PDGFD: variants seen among roughly 807,000 people sequenced by gnomAD.
PDGFD encodes the protein platelet derived growth factor D, also known as platelet-derived growth factor D.
A neutral mutation model predicts 44.7 loss-of-function variants in PDGFD; 30 were observed. The observed-to-expected ratio is 0.67, with a 90% CI of 0.50 to 0.91. The LOEUF is 0.91. Ranked by LOEUF, PDGFD falls within the 40% of genes least tolerant of loss-of-function variation. The pLI, the probability that PDGFD is intolerant of heterozygous loss-of-function variation, is 0.00. For missense variants in PDGFD, 445 were observed against 457.8 expected (o/e 0.97, Z 0.25); for synonymous variants, 173 against 168.4 (o/e 1.03, Z -0.21).
At chr11:103,975,046 T>C (rs1859162331) in intron 3 of PDGFD, among the ~76,000 whole-genome samples, 1 of 152,178 alleles carries the variant, frequency 6.6e-6, no homozygotes, top group Non-Finnish European at 1.5e-5. Flanking sequence ...GCATTTCTGG[T>C]TCTAGACCCT....
At chr11:104,031,027 C>T (rs75447876) in intron 1 of PDGFD, among the ~76,000 whole-genome samples, 7 of 152,216 alleles carry the variant, frequency 4.6e-5, no homozygotes, top group Middle Eastern at 6.8e-3. Context: ...ATACGCAAAA[C>T]GATCAAAACC....
chr11:103,910,471 C>A (rs1358613868), intron 6 of PDGFD, among the ~76,000 whole-genome samples: 2 of 152,280 alleles, frequency 1.3e-5, no homozygotes, highest in African/African-American at 4.8e-5. Context: ...GGTGGGGTGT[C>A]CCCTCAGCCG....
intron 1 of PDGFD, among the ~76,000 whole-genome samples, chr11:104,092,239 C>T (rs1025020832): frequency 6.6e-6 from 1 of 152,128 alleles, no homozygotes; most frequent in Admixed American, 6.6e-5. Context: ...TGTTCTGTAG[C>T]TTCTTTATAT....
At chr11:104,072,635 T>C (rs1307977072) in intron 1 of PDGFD, among the ~76,000 whole-genome samples, 1 of 151,980 alleles carries the variant, frequency 6.6e-6, no homozygotes, top group Non-Finnish European at 1.5e-5. Context: ...ATAGGCAGTC[T>C]TGACTTGTTT....
chr11:103,911,929 A>G (rs917026624), intron 6 of PDGFD, among the ~76,000 whole-genome samples: 4 of 148,948 alleles, frequency 2.7e-5, no homozygotes, highest in Non-Finnish European at 4.5e-5. Context: ...AAGATTACAG[A>G]AAAAAGAGTG....
chr11:103,943,445 C>T lies in PDGFD; in HGVS notation c.772+7G>A, dbSNP rs1286456175. 27 of 1,608,934 alleles carry T rather than the reference C, an allele frequency of 1.7e-5. No homozygotes were observed. The highest frequency in any genetic ancestry group is 2.0e-5 in the Non-Finnish European group (24 of 1,177,176). On this transcript the variant is annotated splice_region_variant and intron_variant, in intron 5 of 6. Coordinates refer to ENST00000393158, the MANE Select transcript of PDGFD (RefSeq NM_025208.5). ...TTATGAAGAATGTACAAGTGTCTGT[C>T]TCTTACCTTTTGACTTCCGGTCATG...
intron 1 of PDGFD, among the ~76,000 whole-genome samples, chr11:104,081,660 T>G (rs1373071496): frequency 6.6e-6 from 1 of 152,138 alleles, no homozygotes; most frequent in Non-Finnish European, 1.5e-5. Flanking sequence ...AATATTCAGC[T>G]ATGAAAAATC....
At chr11:104,122,656 T>C (rs1196469841) in intron 1 of PDGFD, among the ~76,000 whole-genome samples, 1 of 152,012 alleles carries the variant, frequency 6.6e-6, no homozygotes, top group Non-Finnish European at 1.5e-5. Flanking sequence ...ACCTCGGGTA[T>C]AACCCCAGAC....
chr11:104,070,468 A>G (rs1031623722), intron 1 of PDGFD, among the ~76,000 whole-genome samples: 1 of 152,198 alleles, frequency 6.6e-6, no homozygotes, highest in African/African-American at 2.4e-5. Context: ...GCTCAATCAC[A>G]TAAAGAATAG....
At position 104,005,384 on chromosome 11, in the gene PDGFD, C is replaced by T. The variant is rs373981626; in HGVS notation, c.125-5129G>A. 2.3e-4 allele frequency among the ~76,000 whole-genome samples: 35 copies of T among 152,234 alleles called. No individual in the cohort carries two copies. In the South Asian group the frequency reaches 6.0e-3, roughly 26 times the overall value. On this transcript the variant is annotated intron_variant, in intron 1 of 6. Transcript: ENST00000393158. Reference sequence around the variant, plus strand: ...TGAGGCAATTTTAGATTCTTTGCTACGGGTAATTGTGTAATCCACTTCTAA... The same window carrying T: ...TGAGGCAATTTTAGATTCTTTGCTATGGGTAATTGTGTAATCCACTTCTAA...
intron 1 of PDGFD, among the ~76,000 whole-genome samples, chr11:104,035,569 T>C (rs1330704212): frequency 2.0e-5 from 3 of 147,722 alleles, no homozygotes; most frequent in Admixed American, 6.8e-5. Context: ...TTCTTTTTTT[T>C]TTTTTTTTTT....
chr11:104,014,831 C>T (rs1859837079), intron 1 of PDGFD, among the ~76,000 whole-genome samples: 3 of 152,200 alleles, frequency 2.0e-5, no homozygotes, highest in Admixed American at 2.0e-4. Flanking sequence ...TAGTCTCTCA[C>T]ATGATCAGCA....
intron 1 of PDGFD, among the ~76,000 whole-genome samples, chr11:104,112,516 A>G (rs1410839767): frequency 6.6e-6 from 1 of 152,148 alleles, no homozygotes; most frequent in Admixed American, 6.6e-5. Flanking sequence ...CAATCCCATT[A>G]CTAGGTATAT....
intron 3 of PDGFD, among the ~76,000 whole-genome samples, chr11:103,971,510 A>G (rs572946389): frequency 9.2e-5 from 14 of 151,818 alleles, no homozygotes; most frequent in African/African-American, 2.7e-4. Context: ...CTTACATGAT[A>G]ATTTGTGAGA....
At chr11:104,149,465 C>T (rs1248308045) in intron 1 of PDGFD, among the ~76,000 whole-genome samples, 1 of 152,022 alleles carries the variant, frequency 6.6e-6, no homozygotes, top group Non-Finnish European at 1.5e-5. Flanking sequence ...TACCCAAGTT[C>T]GGTGAATCAG....
chr11:104,140,515 T>C (rs987217711), intron 1 of PDGFD, among the ~76,000 whole-genome samples: 3 of 147,226 alleles, frequency 2.0e-5, no homozygotes, highest in African/African-American at 7.9e-5. Flanking sequence ...AACAGGAATG[T>C]TCTTTTTTTC....
chr11:104,046,404 C>A (rs538757137), intron 1 of PDGFD, among the ~76,000 whole-genome samples: 1 of 147,988 alleles, frequency 6.8e-6, no homozygotes, highest in African/African-American at 2.5e-5. Flanking sequence ...GTTAAAGCAA[C>A]AGATGGGTAG....
intron 1 of PDGFD, among the ~76,000 whole-genome samples, chr11:104,155,541 A>T (rs1862295188): frequency 6.6e-6 from 1 of 152,140 alleles, no homozygotes; most frequent in Non-Finnish European, 1.5e-5. Context: ...CTATTCTAAT[A>T]CCCTACTCCT....
chr11:104,012,504 G>A (rs1312505068), intron 1 of PDGFD, among the ~76,000 whole-genome samples: 2 of 152,138 alleles, frequency 1.3e-5, no homozygotes, highest in African/African-American at 4.8e-5. Context: ...CTAAGTCAAT[G>A]CTAGGTCATA....
Sources: gnomAD v4.1 joint callset for allele counts (sites outside exome capture counted in the v4.1 genomes callset) on GRCh38, gnomAD v4.1.1 for gene constraint, MANE v1.5 for transcripts, NCBI Gene and HGNC (gene_info 2026-07-23, HGNC 2026-07-21) for gene names.